CNOT9: variants seen among roughly 807,000 people sequenced by gnomAD.
The protein encoded by CNOT9 is RCD1 required for cell differentiation1 homolog.
In CNOT9, 8 loss-of-function variants were observed where a neutral mutation model predicts 37.4. The ratio of observed to expected loss-of-function variants is 0.21; its 90% CI spans 0.13 to 0.39. The LOEUF is 0.39. Among genes scored for constraint, CNOT9 ranks in the 10% least tolerant of loss-of-function variants. The pLI is 1.00. For synonymous variants in CNOT9, 120 were observed against 137.6 expected (o/e 0.87, Z 0.90); for missense variants, 154 against 365.3 (o/e 0.42, Z 4.71).
At chr2:218,580,889 T>C (rs1218180534) in intron 2 of CNOT9, 149 bp downstream of exon 2, 4 of 769,716 alleles carry the variant, frequency 5.2e-6, no homozygotes, top group African/African-American at 1.7e-5. Flanking sequence ...GTCTGAGGTA[T>C]TTGTTAAAAT....
In CNOT9 at chr2:218,591,189, A is replaced by G. The variant is rs528681746; in HGVS notation, c.541-1115A>G. On this transcript the variant is annotated intron_variant, in intron 5 of 7. Transcript: ENST00000273064. ...CCATTATTCAGCCTACTACAGTGTT[A>G]TAACCCCAATAAAATAGTAAAATAA... 3.9e-5 allele frequency among the ~76,000 whole-genome samples: 6 copies of G among 152,296 alleles called. No individual in the cohort carries two copies. In the South Asian group the frequency reaches 6.2e-4, roughly 16 times the overall value.
intron 5 of CNOT9, among the ~76,000 whole-genome samples, chr2:218,588,745 T>TG (rs1476430985): frequency 1.3e-5 from 2 of 150,802 alleles, no homozygotes; most frequent in Admixed American, 6.6e-5. Context: ...TTTTTTTTTT[T>TG]TGTATTTTTA....
Position 218,572,660 on chromosome 2 carries a change from A to G in CNOT9, c.24+3682A>G, listed in dbSNP as rs142277056. On this transcript the variant is annotated intron_variant, in intron 1 of 7. Transcript: ENST00000273064. ...GAAAAAGAAAACTACAAATCTTTGC[A>G]TGCCATAGGTATTCTGTAATGGATG... 7 of 985,056 alleles carry G rather than the reference A, an allele frequency of 7.1e-6. No individual in the cohort carries two copies. The African/African-American group carries it at 1.0e-4, about 15-fold the overall frequency. The allele number at this position is 985,056 out of a possible 1,614,324, so 61.0% of individuals were successfully genotyped here. A position where few individuals can be genotyped will look rare whatever the true frequency, so the allele number is the denominator to read the frequency against.
chr2:218,574,149 T>C, intron 1 of CNOT9: 1 of 307,314 alleles, frequency 3.3e-6, no homozygotes, highest in East Asian at 1.1e-4. Context: ...TTTGTATTTT[T>C]AGTAGGGGCA....
chr2:218,589,742 A>C (rs1194160386), intron 5 of CNOT9, among the ~76,000 whole-genome samples: 3 of 152,226 alleles, frequency 2.0e-5, no homozygotes, highest in East Asian at 3.8e-4. Context: ...TCCGGGGCTC[A>C]AGCAGTCTTC....
intron 4 of CNOT9, among the ~76,000 whole-genome samples, chr2:218,586,982 C>G (rs1411963256): frequency 6.6e-6 from 1 of 152,126 alleles, no homozygotes; most frequent in Non-Finnish European, 1.5e-5. Context: ...TACCTGAGTT[C>G]CACACCTACT....
At position 218,576,135 on chromosome 2, in the gene CNOT9, G is replaced by A. The variant is rs995986755; in HGVS notation, c.25-4426G>A. The stretch of plus-strand genomic sequence containing the variant: ...TGCCGTACCCCTTCTTCTACTGCCC[G>A]CCTCCTTTTAAAAAGATGTCAATTA... On this transcript the variant is annotated intron_variant, in intron 1 of 7. Coordinates refer to ENST00000273064, the MANE Select transcript of CNOT9 (RefSeq NM_005444.3). Among the ~76,000 whole-genome samples the A allele has an allele frequency of 5.9e-5, 9 of 152,174 alleles. No individual in the cohort carries two copies. In the South Asian group the frequency reaches 6.2e-4, roughly 11 times the overall value.
At chr2:218,578,806 A>G (rs948167224) in intron 1 of CNOT9, among the ~76,000 whole-genome samples, 2 of 152,190 alleles carry the variant, frequency 1.3e-5, no homozygotes, top group Non-Finnish European at 2.9e-5. Context: ...CTTGTTTTCC[A>G]GATAAGAATA....
chr2:218,581,227 G>T (rs1304047536), intron 2 of CNOT9: 1 of 232,602 alleles, frequency 4.3e-6, no homozygotes, highest in African/African-American at 2.4e-5. Flanking sequence ...AGAGTGCAAT[G>T]GTGCAATCCC....
At chr2:218,569,113 C>G in intron 1 of CNOT9, 135 bp downstream of exon 1, 1 of 913,594 alleles carries the variant, frequency 1.1e-6, no homozygotes, top group East Asian at 3.0e-5. Flanking sequence ...CCCGGTTCCC[C>G]TCCTCGGCAC....
In CNOT9 at chr2:218,592,415, A is replaced by G; in HGVS notation, c.639+13A>G. The G allele has an allele frequency of 6.3e-7, 1 of 1,599,508 alleles. No individual in the cohort carries two copies. The highest frequency in any genetic ancestry group is 8.6e-7 in the Non-Finnish European group (1 of 1,166,774). On this transcript the variant is annotated intron_variant, in intron 6 of 7. Transcript: ENST00000273064. The surrounding 1 kb of genome is among the most constrained non-coding windows in gnomAD (Gnocchi z 4.1). Reference sequence around the variant, plus strand: ...TGCCATGATCTTGGTGAGTTCTTTCATCTATCCCCTTTACAACTACTTCTC... The same window carrying G: ...TGCCATGATCTTGGTGAGTTCTTTCGTCTATCCCCTTTACAACTACTTCTC...
At chr2:218,589,343 A>G (rs1040215079) in intron 5 of CNOT9, 1 of 151,984 alleles carries the variant, frequency 6.6e-6, no homozygotes, top group Admixed American at 6.6e-5. Context: ...TTTTAATTAA[A>G]TTATTTATTT....
At chr2:218,584,795 G>T in intron 4 of CNOT9, 74 bp downstream of exon 4, 3 of 1,086,974 alleles carry the variant, frequency 2.8e-6, no homozygotes, top group South Asian at 2.5e-5. Context: ...TTGTCTTGCC[G>T]GTTATGATTT....
At chr2:218,593,382 C>G (rs1429278344) in intron 7 of CNOT9, 2 of 475,116 alleles carry the variant, frequency 4.2e-6, no homozygotes, top group African/African-American at 3.9e-5. Flanking sequence ...ACCATTTTAT[C>G]CTGTTCTTCA....
chr2:218,570,029 G>A (rs902914380), intron 1 of CNOT9, among the ~76,000 whole-genome samples: 1 of 152,104 alleles, frequency 6.6e-6, no homozygotes, highest in Non-Finnish European at 1.5e-5. Flanking sequence ...TTGAGGGCAG[G>A]GACAGGGATC....
At chr2:218,580,442 T>C (rs589967) in intron 1 of CNOT9, 119 bp from the exon 2 acceptor site, 444,094 of 738,576 alleles carry the variant, frequency 0.6, 135,118 homozygotes, top group East Asian at 0.79. Flanking sequence ...CAAATGTATG[T>C]ATTTAGAAAC....
chr2:218,592,198 G>A lies in CNOT9; in HGVS notation c.541-106G>A. ...TTGTACATAATATACAAGGATCCCT[G>A]CTTGCTCAATTTTCTGACTGATAGT... On this transcript the variant is annotated intron_variant, in intron 5 of 7. Coordinates refer to ENST00000273064, the MANE Select transcript of CNOT9 (RefSeq NM_005444.3). This position sits in a 1 kb window ranked among gnomAD's most constrained non-coding sequence, Gnocchi z 4.1. The A allele has an allele frequency of 1.3e-6, 1 of 769,286 alleles. No homozygotes were observed. Among genetic ancestry groups the A allele is most frequent in the Non-Finnish European group, 2.3e-6 (1 of 442,882 alleles). 47.7% of individuals were successfully genotyped at this position (769,286 alleles called of 1,614,324 possible).
Position 218,592,744 on chromosome 2 carries a change from T to C in CNOT9, c.731+37T>C, listed in dbSNP as rs1694821012. 6.5e-7 allele frequency: 1 copy of C among 1,528,898 alleles called. No homozygotes were observed. The highest frequency in any genetic ancestry group is 1.4e-5 in the African/African-American group (1 of 73,240). The allele number at this position is 1,528,898 out of a possible 1,614,324, so 94.7% of individuals were successfully genotyped here. A position where few individuals can be genotyped will look rare whatever the true frequency, so the allele number is the denominator to read the frequency against. ...TAGGATGTATAGGACTTTAGGGAAA[T>C]ACTCTGCTGAACAGTTTCCTAATCT... On this transcript the variant is annotated intron_variant, in intron 7 of 7. Transcript: ENST00000273064. This position sits in a 1 kb window ranked among gnomAD's most constrained non-coding sequence, Gnocchi z 4.1.
intron 2 of CNOT9, chr2:218,581,101 A>G (rs1694357391): frequency 4.4e-6 from 2 of 453,286 alleles, no homozygotes; most frequent in South Asian, 1.6e-5. Flanking sequence ...AAAGTAGAGT[A>G]TAAGGACCAC....
Sources: allele counts gnomAD v4.1 joint callset (sites outside exome capture counted in the v4.1 genomes callset), GRCh38; gene constraint gnomAD v4.1.1; non-coding constraint Gnocchi (gnomAD v3.1); transcripts MANE v1.5; gene names NCBI Gene and HGNC (gene_info 2026-07-23, HGNC 2026-07-21).